CNGB3: variants seen among roughly 807,000 people sequenced by gnomAD.
The protein encoded by CNGB3 is cyclic nucleotide gated channel subunit beta 3.
In CNGB3, 86 loss-of-function variants were observed where a neutral mutation model predicts 92.8. The ratio of observed to expected loss-of-function variants is 0.93; its 90% CI spans 0.78 to 1.11. The LOEUF (loss-of-function observed/expected upper bound fraction) is 1.11, where lower values mean the gene tolerates loss of function less well. Among genes scored for constraint, CNGB3 ranks in the 50% least tolerant of loss-of-function variants. The probability of loss-of-function intolerance (pLI) is 0.00; values close to 1 mark genes in which losing one functional copy is unlikely to be tolerated. For synonymous variants in CNGB3, 333 were observed against 332.7 expected, an observed-to-expected ratio of 1.00 and a Z score of -0.01; for missense variants, 1,026 against 956.8, an observed-to-expected ratio of 1.07 and a Z score of -0.95.
chr8:86,622,809 A>T (rs574112659), intron 13 of CNGB3, among the ~76,000 whole-genome samples: 1 of 152,360 alleles, frequency 6.6e-6, no homozygotes, highest in African/African-American at 2.4e-5. Flanking sequence ...CAAAGTATTC[A>T]GTAATTTTAA....
intron 13 of CNGB3, among the ~76,000 whole-genome samples, chr8:86,620,411 C>G (rs918086317): frequency 2.6e-5 from 4 of 152,062 alleles, no homozygotes. Flanking sequence ...CTCACTGTGT[C>G]GTTACATGGC....
intron 3 of CNGB3, among the ~76,000 whole-genome samples, chr8:86,676,776 C>T (rs1823978729): frequency 6.6e-6 from 1 of 152,128 alleles, no homozygotes; most frequent in Non-Finnish European, 1.5e-5. Context: ...TAAGATGAAG[C>T]CATACCGGAG....
chr8:86,671,101 A>G lies in CNGB3; in HGVS notation c.339-3T>C. 6.2e-7 allele frequency: 1 copy of G among 1,613,314 alleles called. No individual in the cohort carries two copies. Among genetic ancestry groups the G allele is most frequent in the Non-Finnish European group, 8.5e-7 (1 of 1,179,920 alleles). On this transcript the variant is annotated splice_polypyrimidine_tract_variant and splice_region_variant and intron_variant, in intron 3 of 17. Coordinates refer to ENST00000320005, the MANE Select transcript of CNGB3 (RefSeq NM_019098.5). ...CTGCAGGCGGTTTGTTTTGTGGGCT[A>G]AATGAGAAAAAAAATGGCAATAGAG...
chr8:86,676,169 G>A (rs1471213398), intron 3 of CNGB3, among the ~76,000 whole-genome samples: 2 of 152,150 alleles, frequency 1.3e-5, no homozygotes, highest in African/African-American at 2.4e-5. Context: ...TGACGTGCAC[G>A]CAGGGATAAC....
chr8:86,656,081 TA>T, intron 6 of CNGB3, among the ~76,000 whole-genome samples: 1 of 152,348 alleles, frequency 6.6e-6, no homozygotes, highest in Non-Finnish European at 1.5e-5. Context: ...TACTAAATTT[TA>T]CAGAAATATA....
At chr8:86,595,233 C>T (rs747746553) in intron 15 of CNGB3, among the ~76,000 whole-genome samples, 5 of 152,136 alleles carry the variant, frequency 3.3e-5, no homozygotes, top group Non-Finnish European at 7.3e-5. Context: ...TACAGATTTG[C>T]CCCTGGATAT....
intron 15 of CNGB3, among the ~76,000 whole-genome samples, chr8:86,583,970 G>A (rs1223227555): frequency 2.9e-5 from 4 of 137,388 alleles, no homozygotes; most frequent in African/African-American, 1.1e-4. Flanking sequence ...AAGGCAGAAA[G>A]TATATATTTG....
At chr8:86,611,019 TTATC>T (rs755475467) in intron 14 of CNGB3, among the ~76,000 whole-genome samples, 5 of 152,192 alleles carry the variant, frequency 3.3e-5, no homozygotes, top group South Asian at 2.1e-4. Context: ...AGCACAAGCT[TTATC>T]TATCCATCAG....
At chr8:86,719,171 A>G (rs1340933730) in intron 3 of CNGB3, among the ~76,000 whole-genome samples, 1 of 152,072 alleles carries the variant, frequency 6.6e-6, no homozygotes, top group Non-Finnish European at 1.5e-5. Flanking sequence ...TCATAGCCAG[A>G]GCAATCAGAC....
chr8:86,694,034 C>A (rs1432876262), intron 3 of CNGB3, among the ~76,000 whole-genome samples: 15 of 146,874 alleles, frequency 1.0e-4, no homozygotes, highest in Non-Finnish European at 1.1e-4. Flanking sequence ...CGGGCAGAGG[C>A]GCCCCTCACC....
intron 6 of CNGB3, chr8:86,657,840 C>T (rs1358988007): frequency 1.9e-6 from 1 of 525,594 alleles, no homozygotes; most frequent in Admixed American, 2.0e-5. Flanking sequence ...CAGCACTGAC[C>T]TCTAGCTCTG....
At chr8:86,712,107 T>C (rs1824761816) in intron 3 of CNGB3, among the ~76,000 whole-genome samples, 1 of 151,948 alleles carries the variant, frequency 6.6e-6, no homozygotes, top group African/African-American at 2.4e-5. Flanking sequence ...AGATATCAAT[T>C]TAATTAAATC....
intron 13 of CNGB3, among the ~76,000 whole-genome samples, chr8:86,622,409 T>C (rs1205511741): frequency 1.3e-4 from 20 of 151,150 alleles, no homozygotes; most frequent in Non-Finnish European, 2.4e-4. Flanking sequence ...GGAGTAATAA[T>C]TTACGTAAAA....
intron 3 of CNGB3, among the ~76,000 whole-genome samples, chr8:86,723,599 G>T: frequency 6.6e-6 from 1 of 152,128 alleles, no homozygotes; most frequent in Non-Finnish European, 1.5e-5. Flanking sequence ...GGAACAGAAA[G>T]CTTTGGTCAG....
chr8:86,606,431 G>A (rs1448289180), intron 14 of CNGB3, among the ~76,000 whole-genome samples: 2 of 152,012 alleles, frequency 1.3e-5, no homozygotes, highest in African/African-American at 2.4e-5. Flanking sequence ...AATTACAGTC[G>A]TGAGCCACTG....
At chr8:86,692,539 C>G (rs957786852) in intron 3 of CNGB3, among the ~76,000 whole-genome samples, 9 of 152,220 alleles carry the variant, frequency 5.9e-5, no homozygotes, top group African/African-American at 2.2e-4. Context: ...GTTAGAATAA[C>G]AGCTACTCCT....
chr8:86,729,658 C>T (rs1375253756), intron 2 of CNGB3, among the ~76,000 whole-genome samples: 3 of 152,174 alleles, frequency 2.0e-5, no homozygotes, highest in Admixed American at 6.5e-5. Flanking sequence ...GGACTCAAAA[C>T]AAAAGAATGC....
chr8:86,640,190 A>G (rs1823154155), intron 10 of CNGB3, among the ~76,000 whole-genome samples: 2 of 151,954 alleles, frequency 1.3e-5, no homozygotes, highest in African/African-American at 2.4e-5. Context: ...TCCTCCTTCT[A>G]TCAATTTTTG....
intron 17 of CNGB3, 41 bp downstream of exon 17, chr8:86,578,648 G>T (rs755190751): frequency 1.4e-5 from 23 of 1,597,420 alleles, no homozygotes; most frequent in Middle Eastern, 4.2e-4. Context: ...TTAGTCTGGG[G>T]CCTTCTCCAT....
Sources: gnomAD v4.1 joint callset for allele counts (sites outside exome capture counted in the v4.1 genomes callset) on GRCh38, gnomAD v4.1.1 for gene constraint, MANE v1.5 for transcripts, NCBI Gene and HGNC (gene_info 2026-07-23, HGNC 2026-07-21) for gene names.